Variants in XRN2 observed in about 807,000 individuals in gnomAD.
The protein encoded by XRN2 is DHM1-like protein.
XRN2 carries 44 observed loss-of-function variants against 138.5 expected under a neutral mutation model. The observed-to-expected ratio is 0.32, with a 90% confidence interval of 0.25 to 0.41. The LOEUF is 0.41. Among genes scored for constraint, XRN2 ranks in the 10% least tolerant of loss-of-function variants. The probability of loss-of-function intolerance (pLI) is 1.00; values close to 1 mark genes in which losing one functional copy is unlikely to be tolerated. For synonymous variants in XRN2, 354 were observed against 369.4 expected, an observed-to-expected ratio of 0.96 and a Z score of 0.48; for missense variants, 937 against 1,169.3, an observed-to-expected ratio of 0.80 and a Z score of 2.90.
At chr20:21,356,874 C>T (rs1292441284) in intron 23 of XRN2, among the ~76,000 whole-genome samples, 2 of 152,182 alleles carry the variant, frequency 1.3e-5, no homozygotes, top group Non-Finnish European at 2.9e-5. Flanking sequence ...CTGGGAGTCC[C>T]TTTCAGGATA....
chr20:21,326,140 ATAACT>A, intron 1 of XRN2, 134 bp from the exon 2 acceptor site: 1 of 851,838 alleles, frequency 1.2e-6, no homozygotes, highest in Non-Finnish European at 1.7e-6. Flanking sequence ...AAGGAATAAA[ATAACT>A]TATTATAATT....
At chr20:21,358,608 A>T (rs2038602156) in intron 24 of XRN2, among the ~76,000 whole-genome samples, 1 of 151,914 alleles carries the variant, frequency 6.6e-6, no homozygotes, top group Non-Finnish European at 1.5e-5. Flanking sequence ...ATTTTTTTTT[A>T]GATTTCCCTT....
intron 1 of XRN2, among the ~76,000 whole-genome samples, chr20:21,305,353 G>T (rs866685013): frequency 3.2e-4 from 49 of 152,182 alleles, no homozygotes; most frequent in African/African-American, 9.9e-4. Context: ...TGGCCTCCTG[G>T]GTTCAAGCCA....
chr20:21,378,859 AT>A (rs2038853006), intron 27 of XRN2, among the ~76,000 whole-genome samples: 1 of 152,060 alleles, frequency 6.6e-6, no homozygotes, highest in Non-Finnish European at 1.5e-5. Flanking sequence ...TTGGTGTTTG[AT>A]TTGTCTTTGA....
In XRN2 at chr20:21,328,600, C is replaced by T; in HGVS notation, c.357C>T (p.Phe119=). 1 of 1,614,004 alleles carries T rather than the reference C, an allele frequency of 6.2e-7. No individual in the cohort carries two copies. The highest frequency in any genetic ancestry group is 8.5e-7 in the Non-Finnish European group (1 of 1,179,988). Residue 119 remains phenylalanine (F), a synonymous_variant, in exon 4 of 30, where the codon TTC becomes TTT. Transcript: ENST00000377191. ...TGAACCAGCAGCGTTCAAGGAGGTTCAGGGCATCAAAAGAAGGAATGGAAG... is the reference window on the plus strand; with the variant it reads ...TGAACCAGCAGCGTTCAAGGAGGTTTAGGGCATCAAAAGAAGGAATGGAAG... ...AKMNQQRSRR[F]RASKEGMEAA... is the part of the protein sequence containing the mutation.
chr20:21,333,893 G>T (rs1406024801), intron 11 of XRN2, 44 bp from the exon 12 acceptor site: 1 of 1,613,950 alleles, frequency 6.2e-7, no homozygotes, highest in African/African-American at 1.3e-5. Context: ...TGACTTTACT[G>T]TGCCTACTGG....
At chr20:21,385,330 A>T (rs1226610765) in intron 28 of XRN2, among the ~76,000 whole-genome samples, 1 of 152,186 alleles carries the variant, frequency 6.6e-6, no homozygotes, top group Non-Finnish European at 1.5e-5. Context: ...CACAAACCTT[A>T]GTTTAGCCCT....
chr20:21,303,436 A>G lies in XRN2; in HGVS notation c.38A>G (p.Lys13Arg). 1 of 1,548,606 alleles carries G rather than the reference A, an allele frequency of 6.5e-7. No individual in the cohort carries two copies. Among genetic ancestry groups the G allele is most frequent in the Non-Finnish European group, 8.7e-7 (1 of 1,146,078 alleles). The change falls in exon 1 of 30, where the codon AAG becomes AGG. Residue 13 changes from lysine (K) to arginine (R), a missense_variant. By Grantham distance (26) the Lys-to-Arg change is conservative. Transcript: ENST00000377191. ...VPAFFRWLSR[K>R]YPSIIVNCVE... is the part of the protein sequence containing the mutation. ...GCGTTCTTCCGCTGGCTCAGCCGCA[A>G]GTACCCGTCCATCATAGTCAACTGC... is the stretch of plus-strand genomic sequence containing the variant.
intron 26 of XRN2, among the ~76,000 whole-genome samples, chr20:21,366,106 AAT>A (rs1222583175): frequency 2.5e-5 from 3 of 117,772 alleles, no homozygotes; most frequent in South Asian, 2.3e-4. Context: ...AACATATATA[AAT>A]ATATATTATA....
chr20:21,359,770 C>T (rs750926748), intron 24 of XRN2, among the ~76,000 whole-genome samples: 9 of 152,114 alleles, frequency 5.9e-5, no homozygotes, highest in Non-Finnish European at 5.9e-5. Flanking sequence ...GCTTGTTGTA[C>T]ATTCCAGTGT....
chr20:21,368,325 C>A, intron 26 of XRN2, 138 bp from the exon 27 acceptor site: 1 of 1,004,426 alleles, frequency 1.0e-6, no homozygotes, highest in Non-Finnish European at 1.4e-6. Flanking sequence ...AATTATAAAC[C>A]ACCTTTTTGT....
chr20:21,352,495 A>AT (rs895419503), intron 20 of XRN2, among the ~76,000 whole-genome samples: 11 of 151,660 alleles, frequency 7.3e-5, no homozygotes, highest in African/African-American at 2.2e-4. Flanking sequence ...CACCTGCCTA[A>AT]TTTTTTTGTA....
intron 4 of XRN2, among the ~76,000 whole-genome samples, chr20:21,329,793 A>G (rs1475908231): frequency 6.7e-6 from 1 of 149,016 alleles, no homozygotes; most frequent in East Asian, 2.0e-4. Flanking sequence ...CGGCATTTTA[A>G]ATTTCATTTT....
At chr20:21,375,221 GT>G (rs1331585884) in intron 27 of XRN2, among the ~76,000 whole-genome samples, 7 of 143,564 alleles carry the variant, frequency 4.9e-5, no homozygotes, top group African/African-American at 1.0e-4. Context: ...TAATTTTATT[GT>G]TTTTTTTTCC....
intron 27 of XRN2, 126 bp downstream of exon 27, chr20:21,368,716 A>G: frequency 7.8e-7 from 1 of 1,289,458 alleles, no homozygotes; most frequent in Non-Finnish European, 1.0e-6. Context: ...AAAAACATGT[A>G]AGTTAGAAGA....
intron 9 of XRN2, among the ~76,000 whole-genome samples, chr20:21,333,029 A>G (rs943756067): frequency 3.3e-5 from 5 of 152,198 alleles, no homozygotes. Context: ...GGGGGGAAAA[A>G]GAATATGGTG....
intron 16 of XRN2, among the ~76,000 whole-genome samples, chr20:21,345,693 G>A (rs1383882278): frequency 1.3e-5 from 2 of 152,142 alleles, no homozygotes; most frequent in Admixed American, 6.5e-5. Flanking sequence ...AGTGATGAAT[G>A]ATAATTTAGT....
intron 27 of XRN2, among the ~76,000 whole-genome samples, chr20:21,375,865 GTCTC>G (rs1284568538): frequency 6.7e-6 from 1 of 150,342 alleles, no homozygotes; most frequent in South Asian, 2.1e-4. Context: ...TTGAGACGGA[GTCTC>G]TCTCTGTCGC....
chr20:21,319,591 A>G (rs1209113853), intron 1 of XRN2, among the ~76,000 whole-genome samples: 5 of 152,066 alleles, frequency 3.3e-5, no homozygotes, highest in Non-Finnish European at 7.4e-5. Flanking sequence ...TTTCAAAGTC[A>G]TTGTTCTAGA....
Sources: allele counts gnomAD v4.1 joint callset (sites outside exome capture counted in the v4.1 genomes callset), GRCh38; gene constraint gnomAD v4.1.1; transcripts MANE v1.5; gene names NCBI Gene and HGNC (gene_info 2026-07-23, HGNC 2026-07-21).